The following REEP3 variants were observed in gnomAD, a reference collection of about 807,000 sequenced individuals.
The protein encoded by REEP3 is receptor expression-enhancing protein 3.
Under a neutral mutation model 41.3 loss-of-function variants are expected in REEP3, and 20 were observed. The observed-to-expected ratio is 0.48, with a 90% CI of 0.34 to 0.70. REEP3 has a LOEUF of 0.70. Among genes scored for constraint, REEP3 ranks in the 30% least tolerant of loss-of-function variants. The pLI, the probability that REEP3 is intolerant of heterozygous loss-of-function variation, is 0.01. For synonymous variants in REEP3, 104 were observed against 101.8 expected (o/e 1.02, Z -0.13); for missense variants, 271 against 308.8 (o/e 0.88, Z 0.92).
intron 1 of REEP3, among the ~76,000 whole-genome samples, chr10:63,543,683 G>A (rs10761783): frequency 0.99 from 151,362 of 152,230 alleles, 75,257 homozygotes; most frequent in Middle Eastern, 1. Context: ...CTTTCTGCAA[G>A]TATTTATTGA....
At chr10:63,590,774 T>G (rs1020218209) in intron 2 of REEP3, among the ~76,000 whole-genome samples, 1 of 152,240 alleles carries the variant, frequency 6.6e-6, no homozygotes, top group African/African-American at 2.4e-5. Context: ...TGAAGATATC[T>G]AAACAACAGT....
rs866254620 is a variant in REEP3 at position 63,612,065 on chromosome 10, A to T, written c.565+1731A>T. Among the ~76,000 whole-genome samples the T allele has an allele frequency of 1.1e-4, 17 of 152,350 alleles. 1 individual carries two copies. In the South Asian group the frequency reaches 3.5e-3, roughly 32 times the overall value. ...GCATTGGCCATTGATTAAGGTAGTG[A>T]TGCCTTTGAGAGAGAGGAACCATCA... On this transcript the variant is annotated intron_variant, in intron 6 of 7. Coordinates refer to ENST00000373758, the MANE Select transcript of REEP3 (RefSeq NM_001001330.3).
intron 5 of REEP3, among the ~76,000 whole-genome samples, chr10:63,607,871 G>A (rs1269787244): frequency 6.6e-6 from 1 of 152,184 alleles, no homozygotes; most frequent in African/African-American, 2.4e-5. Flanking sequence ...GTTTGGGGAT[G>A]ATATAATTAT....
chr10:63,563,664 G>A (rs954318432), intron 1 of REEP3, among the ~76,000 whole-genome samples: 1 of 151,674 alleles, frequency 6.6e-6, no homozygotes, highest in Non-Finnish European at 1.5e-5. Context: ...ACTCAAGCAT[G>A]GGCTGTGCAT....
intron 6 of REEP3, among the ~76,000 whole-genome samples, chr10:63,617,481 C>T (rs2133436306): frequency 6.6e-6 from 1 of 152,242 alleles, no homozygotes; most frequent in Non-Finnish European, 1.5e-5. Flanking sequence ...CTCACTGCAG[C>T]CTTGACTTCC....
intron 1 of REEP3, among the ~76,000 whole-genome samples, chr10:63,542,050 A>C (rs548205882): frequency 6.6e-6 from 1 of 151,772 alleles, no homozygotes; most frequent in African/African-American, 2.4e-5. Context: ...GAGTTGGTAT[A>C]AGTGACATCA....
rs60910642 is a variant in REEP3 at position 63,617,812 on chromosome 10, CTTTTTTTTTTTTTTTTT to C, written c.566-1832_566-1816del. Among the ~76,000 whole-genome samples, 9 of 83,502 alleles carry C rather than the reference CTTTTTTTTTTTTTTTTT, an allele frequency of 1.1e-4. 1 individual carries two copies. In the Admixed American group the frequency reaches 1.2e-3, roughly 11 times the overall value. The allele number at this position is 83,502 out of a possible 152,430, so 54.8% of individuals were successfully genotyped here. A position where few individuals can be genotyped will look rare whatever the true frequency, so the allele number is the denominator to read the frequency against. On this transcript the variant is annotated intron_variant, in intron 6 of 7. Transcript: ENST00000373758. The stretch of plus-strand genomic sequence containing the variant: ...TCCTAAGCCTGGAAATCCTTCTACT[CTTTTTTTTTTTTTTTTT>C]TTTTTTTTTTAAAGAGATGGAGTCT...
intron 1 of REEP3, among the ~76,000 whole-genome samples, chr10:63,560,633 C>T (rs1412406798): frequency 8.5e-5 from 13 of 152,104 alleles, no homozygotes; most frequent in Admixed American, 2.6e-4. Context: ...CCTCTTTAGA[C>T]GGAAATGAGG....
chr10:63,546,316 C>T (rs564993206), intron 1 of REEP3, among the ~76,000 whole-genome samples: 1 of 152,284 alleles, frequency 6.6e-6, no homozygotes, highest in East Asian at 1.9e-4. Flanking sequence ...TGGGTGGTGA[C>T]TTGGACCAGG....
At chr10:63,609,582 G>A (rs1344012127) in intron 5 of REEP3, among the ~76,000 whole-genome samples, 1 of 151,904 alleles carries the variant, frequency 6.6e-6, no homozygotes. Flanking sequence ...CCAACATGGC[G>A]AAACCCCATC....
chr10:63,618,237 C>CTTTTT lies in REEP3; in HGVS notation c.566-1396_566-1392dup, dbSNP rs60115766. 4.5e-4 allele frequency among the ~76,000 whole-genome samples: 30 copies of CTTTTT among 66,596 alleles called. 2 individuals are homozygous for CTTTTT. The highest frequency in any genetic ancestry group is 1.3e-3 in the African/African-American group (23 of 17,348). The allele number at this position is 66,596 out of a possible 152,430, so 43.7% of individuals were successfully genotyped here. A position where few individuals can be genotyped will look rare whatever the true frequency, so the allele number is the denominator to read the frequency against. The stretch of plus-strand genomic sequence containing the variant: ...CTTCATGGGGATTTCTTTCCTTCTT[C>CTTTTT]TTTTTTTTTTTTTTTTTTTTTTTTT... On this transcript the variant is annotated intron_variant, in intron 6 of 7. Transcript: ENST00000373758.
At chr10:63,607,197 T>C (rs930586928) in intron 5 of REEP3, among the ~76,000 whole-genome samples, 2 of 152,228 alleles carry the variant, frequency 1.3e-5, no homozygotes, top group African/African-American at 2.4e-5. Flanking sequence ...TTATTCTGGA[T>C]CCATAAAAAA....
rs924484635 is a variant in REEP3 at position 63,585,110 on chromosome 10, C to T, written c.106-9668C>T. Among the ~76,000 whole-genome samples, 3 of 152,148 alleles carry T rather than the reference C, an allele frequency of 2.0e-5. No individual in the cohort carries two copies. The South Asian group carries it at 6.2e-4, about 32-fold the overall frequency. Reference sequence around the variant, plus strand: ...CTATTTTATATGTGATAAACTGCTGCTTGCAGTTCAGAGTTACTTGTTGGG... The same window carrying T: ...CTATTTTATATGTGATAAACTGCTGTTTGCAGTTCAGAGTTACTTGTTGGG... On this transcript the variant is annotated intron_variant, in intron 2 of 7. Transcript: ENST00000373758.
At chr10:63,584,509 A>G (rs1185251006) in intron 2 of REEP3, among the ~76,000 whole-genome samples, 1 of 151,400 alleles carries the variant, frequency 6.6e-6, no homozygotes, top group Non-Finnish European at 1.5e-5. Flanking sequence ...CTTTTTTTCA[A>G]CCATGCCTCT....
chr10:63,608,637 C>T (rs1489129380), intron 5 of REEP3, among the ~76,000 whole-genome samples: 1 of 152,124 alleles, frequency 6.6e-6, no homozygotes, highest in Non-Finnish European at 1.5e-5. Flanking sequence ...TTTAATCTAG[C>T]TATAAATAAG....
intron 2 of REEP3, among the ~76,000 whole-genome samples, chr10:63,584,507 C>T (rs1335997020): frequency 1.3e-5 from 2 of 148,304 alleles, no homozygotes; most frequent in Non-Finnish European, 3.0e-5. Context: ...AGCTTTTTTT[C>T]AACCATGCCT....
chr10:63,571,883 C>T (rs1464667683), intron 2 of REEP3, among the ~76,000 whole-genome samples: 2 of 152,180 alleles, frequency 1.3e-5, no homozygotes, highest in African/African-American at 2.4e-5. Context: ...TCTTCTGTTT[C>T]TAGTATTTTA....
chr10:63,541,884 A>T (rs996272674), intron 1 of REEP3, among the ~76,000 whole-genome samples: 1 of 152,234 alleles, frequency 6.6e-6, no homozygotes, highest in African/African-American at 2.4e-5. Flanking sequence ...AATTGTTTTT[A>T]TGAAATTATA....
At chr10:63,595,712 G>A (rs1956108144) in intron 3 of REEP3, among the ~76,000 whole-genome samples, 1 of 152,144 alleles carries the variant, frequency 6.6e-6, no homozygotes, top group South Asian at 2.1e-4. Flanking sequence ...GAGTAGCTGG[G>A]ATTACAGGCA....
Sources: gnomAD v4.1 joint callset for allele counts (sites outside exome capture counted in the v4.1 genomes callset) on GRCh38, gnomAD v4.1.1 for gene constraint, MANE v1.5 for transcripts, NCBI Gene and HGNC (gene_info 2026-07-23, HGNC 2026-07-21) for gene names.